DIP2C: variants seen among roughly 807,000 people sequenced by gnomAD.
The protein encoded by DIP2C is DIP2 acetate--CoA ligase C (putative), also known as disco-interacting protein 2 homolog C.
Under a neutral mutation model 192.4 loss-of-function variants are expected in DIP2C, and 33 were observed. That is an observed-to-expected ratio of 0.17 (90% CI 0.13 to 0.23). The LOEUF (loss-of-function observed/expected upper bound fraction) is 0.23. DIP2C is among the 10% of genes least tolerant of loss of function. The probability of loss-of-function intolerance (pLI) is 1.00; values close to 1 mark genes in which losing one functional copy is unlikely to be tolerated. For missense variants in DIP2C, 1,537 were observed against 2,110.1 expected, an observed-to-expected ratio of 0.73 and a Z score of 5.32; for synonymous variants, 979 against 864.1, an observed-to-expected ratio of 1.13 and a Z score of -2.33.
chr10:341,158 C>A, intron 29 of DIP2C, 41 bp downstream of exon 29: 2 of 1,613,016 alleles, frequency 1.2e-6, no homozygotes, highest in South Asian at 2.2e-5. Context: ...GAGGAAGGTG[C>A]ATGATTTTTT....
At position 400,690 on chromosome 10, in the gene DIP2C, C is replaced by G. The variant is rs1348522693; in HGVS notation, c.1150-1471G>C. On this transcript the variant is annotated intron_variant, in intron 9 of 36. Coordinates refer to ENST00000280886, the MANE Select transcript of DIP2C (RefSeq NM_014974.3). ...CTTATGGACAAGTTTGGTATGTGTT[C>G]ATCAGCACATGAATCCTGTGATTTT... Among the ~76,000 whole-genome samples, 3 of 151,424 alleles carry G rather than the reference C, an allele frequency of 2.0e-5. No homozygotes were observed. In the Middle Eastern group the frequency reaches 0.01, roughly 522 times the overall value.
chr10:365,468 T>C (rs796365688), intron 19 of DIP2C, among the ~76,000 whole-genome samples: 32 of 152,300 alleles, frequency 2.1e-4, no homozygotes, highest in African/African-American at 7.5e-4. Flanking sequence ...GCCCAGGAGT[T>C]TGAAGCTGCA....
intron 8 of DIP2C, among the ~76,000 whole-genome samples, chr10:409,738 T>C (rs1010533441): frequency 1.3e-5 from 2 of 152,256 alleles, no homozygotes; most frequent in African/African-American, 4.8e-5. Flanking sequence ...TCACAAGCCC[T>C]GTGTTTCTCA....
At chr10:386,652 C>G (rs1962953227) in intron 14 of DIP2C, among the ~76,000 whole-genome samples, 1 of 152,212 alleles carries the variant, frequency 6.6e-6, no homozygotes, top group African/African-American at 2.4e-5. Flanking sequence ...GATATTTGGT[C>G]TAGGAAATGC....
intron 1 of DIP2C, among the ~76,000 whole-genome samples, chr10:657,703 C>T (rs1317812850): frequency 7.2e-6 from 1 of 139,504 alleles, no homozygotes; most frequent in African/African-American, 2.7e-5. Context: ...GACACTGGAC[C>T]TGCCCCTGGA....
intron 1 of DIP2C, among the ~76,000 whole-genome samples, chr10:598,811 G>A (rs1025055669): frequency 5.3e-5 from 8 of 152,246 alleles, no homozygotes; most frequent in Non-Finnish European, 1.0e-4. Flanking sequence ...GCCCCAGCCC[G>A]GAGTGGGTCA....
chr10:350,885 A>T (rs1169067512), intron 24 of DIP2C, among the ~76,000 whole-genome samples: 2 of 152,088 alleles, frequency 1.3e-5, no homozygotes, highest in African/African-American at 2.4e-5. Context: ...TGACCTCATG[A>T]TCCGCCCGCC....
rs1034683960 is a variant in DIP2C, at chr10:275,444, G to C, written c.*1881C>G. ...GGAGATGGAAGGATGCACCACATATGCAGACACATTTTTTTAAATGTGCCA... is the reference window on the plus strand; with the variant it reads ...GGAGATGGAAGGATGCACCACATATCCAGACACATTTTTTTAAATGTGCCA... On this transcript the variant is annotated 3_prime_UTR_variant, in exon 37 of 37. Transcript: ENST00000280886. The C allele has an allele frequency of 6.7e-6, 1 of 149,438 alleles. No homozygotes were observed. Among genetic ancestry groups the C allele is most frequent in the African/African-American group, 2.5e-5 (1 of 40,480 alleles). The allele number at this position is 149,438 out of a possible 1,614,324, so 9.3% of individuals were successfully genotyped here.
chr10:340,285 T>C (rs1305900435), intron 29 of DIP2C, among the ~76,000 whole-genome samples: 1 of 152,064 alleles, frequency 6.6e-6, no homozygotes, highest in Non-Finnish European at 1.5e-5. Flanking sequence ...TATTTATTCA[T>C]AAAATGTGTA....
chr10:548,262 G>A (rs1192194567), intron 1 of DIP2C, among the ~76,000 whole-genome samples: 1 of 148,486 alleles, frequency 6.7e-6, no homozygotes, highest in African/African-American at 2.5e-5. Context: ...CCCCAGGTGG[G>A]TAAGGAGAGC....
intron 3 of DIP2C, among the ~76,000 whole-genome samples, chr10:465,149 G>A (rs1970104072): frequency 8.0e-6 from 1 of 124,994 alleles, no homozygotes; most frequent in African/African-American, 3.1e-5. Context: ...TAAAATACTG[G>A]CAAACCGAAT....
chr10:349,186 G>T (rs890361629), intron 25 of DIP2C, 145 bp downstream of exon 25: 4 of 1,189,752 alleles, frequency 3.4e-6, no homozygotes, highest in Non-Finnish European at 4.6e-6. Context: ...ACACAAACGG[G>T]CTGGTTAGCA....
chr10:351,187 C>G (rs1958790917), intron 24 of DIP2C, among the ~76,000 whole-genome samples: 1 of 152,148 alleles, frequency 6.6e-6, no homozygotes. Flanking sequence ...AAGGACGCCG[C>G]ACGGACGAAC....
At chr10:510,109 T>TC (rs1845908713) in intron 1 of DIP2C, among the ~76,000 whole-genome samples, 1 of 152,226 alleles carries the variant, frequency 6.6e-6, no homozygotes, top group African/African-American at 2.4e-5. Context: ...GCAATCGCCT[T>TC]CCTGGGGGAC....
At chr10:536,594 G>C (rs954937245) in intron 1 of DIP2C, among the ~76,000 whole-genome samples, 2 of 152,196 alleles carry the variant, frequency 1.3e-5, no homozygotes, top group Non-Finnish European at 2.9e-5. Context: ...AGTTTGGGAG[G>C]ACACAATTTA....
chr10:561,617 C>T (rs538415365), intron 1 of DIP2C, among the ~76,000 whole-genome samples: 2 of 152,268 alleles, frequency 1.3e-5, no homozygotes, highest in East Asian at 1.9e-4. Flanking sequence ...GCACTGTCTC[C>T]AAGGCCCTTT....
rs117905652 is a variant in DIP2C, at chr10:601,389, C to T, written c.85+88105G>A. On this transcript the variant is annotated intron_variant, in intron 1 of 36. Transcript: ENST00000280886. Reference sequence around the variant, plus strand: ...CAAATGCATATGTCAAAGTAAGAAACGTGCTAAGTGCATTTTTTGTAATCT... The same window carrying T: ...CAAATGCATATGTCAAAGTAAGAAATGTGCTAAGTGCATTTTTTGTAATCT... 8.3e-3 allele frequency among the ~76,000 whole-genome samples: 1,257 copies of T among 152,274 alleles called. 11 individuals carry two copies. The highest frequency in any genetic ancestry group is 0.013 in the Admixed American group (194 of 15,304).
chr10:579,894 G>A (rs780192688), intron 1 of DIP2C, among the ~76,000 whole-genome samples: 2 of 151,898 alleles, frequency 1.3e-5, no homozygotes, highest in African/African-American at 4.8e-5. Flanking sequence ...CATGCATCTA[G>A]CACACAATCT....
At chr10:340,760 T>G in intron 29 of DIP2C, 1 of 457,576 alleles carries the variant, frequency 2.2e-6, no homozygotes, top group South Asian at 1.5e-5. Context: ...CAGGGAACGC[T>G]CAGCCCTCGT....
Sources: gnomAD v4.1 joint callset for allele counts (sites outside exome capture counted in the v4.1 genomes callset) on GRCh38, gnomAD v4.1.1 for gene constraint, MANE v1.5 for transcripts, NCBI Gene and HGNC (gene_info 2026-07-23, HGNC 2026-07-21) for gene names.